NALF1: variants seen among roughly 807,000 people sequenced by gnomAD.
NALF1 encodes the protein family with sequence similarity 155 member A.
NALF1 carries 3 observed loss-of-function variants against 48.4 expected under a neutral mutation model. That is an observed-to-expected ratio of 0.06 (90% CI 0.03 to 0.16). NALF1 has a LOEUF of 0.16. Among genes scored for constraint, NALF1 ranks in the 10% least tolerant of loss-of-function variants. The pLI, the probability that NALF1 is intolerant of heterozygous loss-of-function variation, is 1.00. For missense variants in NALF1, 526 were observed against 571.5 expected (o/e 0.92, Z 0.81); for synonymous variants, 262 against 245.7 (o/e 1.07, Z -0.62).
chr13:107,221,346 G>T (rs1170407131), intron 1 of NALF1, among the ~76,000 whole-genome samples: 1 of 152,168 alleles, frequency 6.6e-6, no homozygotes, highest in East Asian at 1.9e-4. Context: ...GGGAGGCCGA[G>T]GTGGGTGGAG....
At chr13:107,535,733 G>A (rs758614474) in intron 1 of NALF1, among the ~76,000 whole-genome samples, 2 of 152,090 alleles carry the variant, frequency 1.3e-5, no homozygotes, top group African/African-American at 2.4e-5. Context: ...CTACTTTAAA[G>A]TTTATATGGA....
chr13:107,392,230 G>T (rs777845836), intron 1 of NALF1, among the ~76,000 whole-genome samples: 1 of 151,902 alleles, frequency 6.6e-6, no homozygotes, highest in Non-Finnish European at 1.5e-5. Flanking sequence ...GTGCTTTTGT[G>T]CAATCTTCAG....
At chr13:107,220,043 A>G (rs1879957389) in intron 1 of NALF1, among the ~76,000 whole-genome samples, 1 of 147,466 alleles carries the variant, frequency 6.8e-6, no homozygotes, top group African/African-American at 2.6e-5. Flanking sequence ...TTGCCACCCT[A>G]CTTTACCAAT....
At chr13:107,676,830 T>C (rs969097045) in intron 1 of NALF1, among the ~76,000 whole-genome samples, 2 of 152,248 alleles carry the variant, frequency 1.3e-5, no homozygotes, top group East Asian at 1.9e-4. Context: ...ACAAAACTAT[T>C]TGACTTTAAA....
intron 1 of NALF1, among the ~76,000 whole-genome samples, chr13:107,726,819 C>A (rs1876165117): frequency 6.6e-6 from 1 of 151,792 alleles, no homozygotes; most frequent in African/African-American, 2.4e-5. Flanking sequence ...CCATGTTGGC[C>A]AGGATGGTCT....
intron 1 of NALF1, among the ~76,000 whole-genome samples, chr13:107,378,167 T>C (rs1188015072): frequency 1.3e-5 from 2 of 152,160 alleles, no homozygotes; most frequent in African/African-American, 4.8e-5. Flanking sequence ...CAATAGTCTT[T>C]ATTTTACATT....
At chr13:107,241,065 A>AAG (rs1880457242) in intron 1 of NALF1, among the ~76,000 whole-genome samples, 1 of 150,448 alleles carries the variant, frequency 6.6e-6, no homozygotes, top group South Asian at 2.1e-4. Flanking sequence ...AAAAAAAAAA[A>AAG]AAAAAAAAAG....
chr13:107,193,500 T>G (rs944985422), intron 2 of NALF1, among the ~76,000 whole-genome samples: 1 of 152,162 alleles, frequency 6.6e-6, no homozygotes, highest in Admixed American at 6.5e-5. Flanking sequence ...GCAACACATG[T>G]AGGGTAGTGG....
At chr13:107,437,288 T>C (rs1455782299) in intron 1 of NALF1, among the ~76,000 whole-genome samples, 4 of 152,186 alleles carry the variant, frequency 2.6e-5, no homozygotes, top group Non-Finnish European at 5.9e-5. Flanking sequence ...CCTGTATTGT[T>C]GGTAGGGTAA....
chr13:107,611,242 C>T (rs550482748), intron 1 of NALF1, among the ~76,000 whole-genome samples: 1 of 152,240 alleles, frequency 6.6e-6, no homozygotes, highest in East Asian at 1.9e-4. Context: ...AGTCCTCTGT[C>T]GGTAGGATGG....
At chr13:107,322,206 TCAA>T (rs1386696261) in intron 1 of NALF1, among the ~76,000 whole-genome samples, 2 of 152,162 alleles carry the variant, frequency 1.3e-5, no homozygotes, top group Non-Finnish European at 2.9e-5. Flanking sequence ...TTTTTCCTCT[TCAA>T]CAACATTTTC....
At chr13:107,209,070 G>A (rs376048275) in intron 2 of NALF1, among the ~76,000 whole-genome samples, 1 of 152,166 alleles carries the variant, frequency 6.6e-6, no homozygotes, top group Non-Finnish European at 1.5e-5. Context: ...TATCCACATG[G>A]GGGAGGGTTT....
chr13:107,231,055 G>A (rs566457632), intron 1 of NALF1, among the ~76,000 whole-genome samples: 58 of 90,280 alleles, frequency 6.4e-4, no homozygotes, highest in South Asian at 5.6e-3. Context: ...AGCAAGACCC[G>A]GCCAAAAAAA....
At chr13:107,258,668 G>A (rs1393109521) in intron 1 of NALF1, among the ~76,000 whole-genome samples, 2 of 152,024 alleles carry the variant, frequency 1.3e-5, no homozygotes, top group African/African-American at 2.4e-5. Context: ...TGGCACTAAC[G>A]ACATTGCACG....
chr13:107,600,216 C>A (rs998575864), intron 1 of NALF1, among the ~76,000 whole-genome samples: 2 of 152,092 alleles, frequency 1.3e-5, no homozygotes, highest in African/African-American at 4.8e-5. Context: ...AGCAATGCAG[C>A]AATAAAATTT....
chr13:107,816,299 C>T (rs915506347), intron 1 of NALF1, among the ~76,000 whole-genome samples: 2 of 152,112 alleles, frequency 1.3e-5, no homozygotes, highest in Admixed American at 6.6e-5. Context: ...TTTCACGCTG[C>T]TGATAAAGAC....
chr13:107,259,723 G>T (rs1011274966), intron 1 of NALF1, among the ~76,000 whole-genome samples: 2 of 152,194 alleles, frequency 1.3e-5, no homozygotes, highest in Admixed American at 6.5e-5. Context: ...GGCATATATA[G>T]TTATCTGAAC....
intron 1 of NALF1, among the ~76,000 whole-genome samples, chr13:107,731,083 G>A (rs1365004962): frequency 6.6e-6 from 1 of 152,136 alleles, no homozygotes; most frequent in African/African-American, 2.4e-5. Flanking sequence ...AGGAATGTTA[G>A]AGCATTAGAG....
At chr13:107,615,519 T>C (rs1228021070) in intron 1 of NALF1, among the ~76,000 whole-genome samples, 3 of 152,208 alleles carry the variant, frequency 2.0e-5, no homozygotes, top group Admixed American at 2.0e-4. Flanking sequence ...CTATGGCCTA[T>C]AAGATGATGG....
Sources: allele counts gnomAD v4.1 joint callset (sites outside exome capture counted in the v4.1 genomes callset), GRCh38; gene constraint gnomAD v4.1.1; transcripts MANE v1.5; gene names NCBI Gene and HGNC (gene_info 2026-07-23, HGNC 2026-07-21).